ANK3: variants seen among roughly 807,000 people sequenced by gnomAD.
ANK3 encodes the protein ankyrin-3.
In ANK3, 57 loss-of-function variants were observed where a neutral mutation model predicts 370.9. That is an observed-to-expected ratio of 0.15 (90% CI 0.12 to 0.19). The LOEUF (loss-of-function observed/expected upper bound fraction) is 0.19, where lower values mean the gene tolerates loss of function less well. Among genes scored for constraint, ANK3 ranks in the 10% least tolerant of loss-of-function variants. ANK3 has a pLI of 1.00. For synonymous variants in ANK3, 1,929 were observed against 1,946.3 expected (o/e 0.99, Z 0.23); for missense variants, 4,439 against 5,302.1 (o/e 0.84, Z 5.06).
chr10:60,698,668 C>A (rs10994475), intron 1 of ANK3, among the ~76,000 whole-genome samples: 1 of 139,990 alleles, frequency 7.1e-6, no homozygotes, highest in Non-Finnish European at 1.5e-5. Flanking sequence ...AACCAAACAC[C>A]GCATATTCTC....
At chr10:60,364,968 C>T (rs989318600) in intron 1 of ANK3, among the ~76,000 whole-genome samples, 6 of 151,270 alleles carry the variant, frequency 4.0e-5, no homozygotes, top group Admixed American at 1.3e-4. Context: ...CAAATTACCA[C>T]ACACTTAAAT....
At chr10:60,386,192 T>C (rs2062271245) in intron 1 of ANK3, among the ~76,000 whole-genome samples, 1 of 152,068 alleles carries the variant, frequency 6.6e-6, no homozygotes, top group Admixed American at 6.6e-5. Context: ...AAAGGCACTC[T>C]ATCTACTTTT....
intron 9 of ANK3, among the ~76,000 whole-genome samples, chr10:60,209,557 T>C (rs2096819911): frequency 1.3e-5 from 2 of 152,198 alleles, no homozygotes; most frequent in Non-Finnish European, 2.9e-5. Context: ...AGCAAATATC[T>C]AGGTCAATTT....
intron 43 of ANK3, among the ~76,000 whole-genome samples, chr10:60,040,386 G>A (rs888813708): frequency 6.6e-6 from 1 of 152,014 alleles, no homozygotes; most frequent in Non-Finnish European, 1.5e-5. Context: ...CAGTCTCCTG[G>A]AATTCCAGGC....
rs752610734 is a variant in ANK3, at chr10:60,088,279, C to A, written c.3408G>T (p.Val1136=). The A allele has an allele frequency of 2.5e-6, 4 of 1,614,160 alleles. No individual in the cohort carries two copies. The East Asian group carries it at 6.7e-5, about 27-fold the overall frequency. ...TGCTTTCCTGCTTAATCCGGGAAAC[C>A]ACTGCAAAATACTGGGGGAAATCTT... ...ITKDFPQYFA[V]VSRIKQESNQ... Residue 1136 remains valine (V), a synonymous_variant, in exon 29 of 44, where the codon GTG becomes GTT. Transcript: ENST00000280772.
chr10:60,729,741 C>A (rs779040050), intron 1 of ANK3, among the ~76,000 whole-genome samples: 1 of 152,190 alleles, frequency 6.6e-6, no homozygotes, highest in Non-Finnish European at 1.5e-5. Flanking sequence ...AGGAAAAATA[C>A]TACCATCTAC....
intron 2 of ANK3, among the ~76,000 whole-genome samples, chr10:60,528,041 A>C (rs1418277863): frequency 6.6e-6 from 1 of 152,118 alleles, no homozygotes; most frequent in Non-Finnish European, 1.5e-5. Flanking sequence ...GATACATGCA[A>C]AACGATCCAT....
intron 2 of ANK3, among the ~76,000 whole-genome samples, chr10:60,561,823 A>G (rs2077341820): frequency 1.3e-5 from 2 of 152,050 alleles, no homozygotes; most frequent in Non-Finnish European, 2.9e-5. Flanking sequence ...CACACTCACC[A>G]CTCAAGAGTC....
chr10:60,281,776 C>T (rs2098167111), intron 1 of ANK3, among the ~76,000 whole-genome samples: 1 of 151,980 alleles, frequency 6.6e-6, no homozygotes, highest in Non-Finnish European at 1.5e-5. Flanking sequence ...AGGTGAATAC[C>T]AGAGATTATA....
At chr10:60,545,125 G>C (rs1422229927) in intron 2 of ANK3, among the ~76,000 whole-genome samples, 3 of 24,838 alleles carry the variant, frequency 1.2e-4, no homozygotes, top group African/African-American at 4.4e-4. Context: ...CAGTGATGAT[G>C]CTAGGGTGGG....
chr10:60,488,596 C>T (rs1396546004), intron 2 of ANK3, among the ~76,000 whole-genome samples: 2 of 152,178 alleles, frequency 1.3e-5, no homozygotes, highest in East Asian at 3.8e-4. Flanking sequence ...TTCTCCCAAC[C>T]ATGAACCTGC....
intron 2 of ANK3, among the ~76,000 whole-genome samples, chr10:60,426,537 T>A (rs940925570): frequency 6.6e-6 from 1 of 152,114 alleles, no homozygotes; most frequent in Non-Finnish European, 1.5e-5. Context: ...ATGAGTCATT[T>A]GGCAAATCTT....
At chr10:60,360,298 A>G (rs936976875) in intron 1 of ANK3, among the ~76,000 whole-genome samples, 1 of 152,246 alleles carries the variant, frequency 6.6e-6, no homozygotes, top group Non-Finnish European at 1.5e-5. Context: ...CAGGGAGCTA[A>G]AAGAATAAGA....
chr10:60,318,810 C>T (rs1453108457), intron 1 of ANK3, among the ~76,000 whole-genome samples: 1 of 152,150 alleles, frequency 6.6e-6, no homozygotes, highest in East Asian at 1.9e-4. Flanking sequence ...TCTCTTAATG[C>T]TGATAGTGAT....
At chr10:60,109,322 A>C (rs1288337692) in intron 26 of ANK3, among the ~76,000 whole-genome samples, 2 of 152,176 alleles carry the variant, frequency 1.3e-5, no homozygotes, top group Non-Finnish European at 2.9e-5. Flanking sequence ...AATGGAAGGA[A>C]TAAGGAAGGT....
At position 60,283,101 on chromosome 10, in the gene ANK3, A is replaced by T. The variant is rs893780345; in HGVS notation, c.115-3462T>A. Among the ~76,000 whole-genome samples, 3 of 152,282 alleles carry T rather than the reference A, an allele frequency of 2.0e-5. No individual in the cohort carries two copies. In the South Asian group the frequency reaches 6.2e-4, roughly 32 times the overall value. On this transcript the variant is annotated intron_variant, in intron 1 of 43. Transcript: ENST00000280772. ...CACAAATAATGACTTATTTGCTTTC[A>T]TTTCACAGCTTCTTACTCTCTCTCC...
At chr10:60,721,226 C>A (rs1016881931) in intron 1 of ANK3, among the ~76,000 whole-genome samples, 5 of 152,110 alleles carry the variant, frequency 3.3e-5, no homozygotes, top group Admixed American at 3.3e-4. Context: ...TGCAGAAGAC[C>A]ATGAAAGTTG....
At chr10:60,279,286 GA>G in intron 2 of ANK3, 138 bp from the exon 3 acceptor site, 1 of 771,168 alleles carries the variant, frequency 1.3e-6, no homozygotes, top group Non-Finnish European at 2.1e-6. Flanking sequence ...CTTGAATCTT[GA>G]ATTAGGAATC....
At chr10:60,368,199 G>C (rs943058708) in intron 1 of ANK3, among the ~76,000 whole-genome samples, 5 of 151,682 alleles carry the variant, frequency 3.3e-5, no homozygotes, top group African/African-American at 1.2e-4. Context: ...AATCTCTAGG[G>C]GCAATACATG....
Sources: allele counts gnomAD v4.1 joint callset (sites outside exome capture counted in the v4.1 genomes callset), GRCh38; gene constraint gnomAD v4.1.1; transcripts MANE v1.5; gene names NCBI Gene and HGNC (gene_info 2026-07-23, HGNC 2026-07-21).